GRAMD1B: variants seen among roughly 807,000 people sequenced by gnomAD.
The protein encoded by GRAMD1B is GRAM domain containing 1B.
In GRAMD1B, 37 loss-of-function variants were observed where a neutral mutation model predicts 99.7. The ratio of observed to expected loss-of-function variants is 0.37; its 90% confidence interval spans 0.29 to 0.49. GRAMD1B has a LOEUF of 0.49. Among genes scored for constraint, GRAMD1B ranks in the 20% least tolerant of loss-of-function variants. The pLI, the probability that GRAMD1B is intolerant of heterozygous loss-of-function variation, is 0.98. For missense variants in GRAMD1B, 888 were observed against 1,009.2 expected (o/e 0.88, Z 1.63); for synonymous variants, 427 against 387.6 (o/e 1.10, Z -1.19).
intron 2 of GRAMD1B, among the ~76,000 whole-genome samples, chr11:123,553,871 C>T (rs747348044): frequency 2.6e-5 from 4 of 152,130 alleles, no homozygotes; most frequent in Non-Finnish European, 4.4e-5. Flanking sequence ...TATACCAACT[C>T]GTTTATAATT....
intron 2 of GRAMD1B, among the ~76,000 whole-genome samples, chr11:123,560,069 C>A (rs71478412): frequency 5.4e-5 from 8 of 148,828 alleles, no homozygotes; most frequent in South Asian, 2.1e-4. Flanking sequence ...GAAATAACCC[C>A]CCCCCCCGCA....
At chr11:123,460,029 A>C (rs1950336937) in intron 1 of GRAMD1B, 1 of 152,212 alleles carries the variant, frequency 6.6e-6, no homozygotes, top group Non-Finnish European at 1.5e-5. Flanking sequence ...GAACTTGAAG[A>C]GAGTTAATTG....
chr11:123,469,788 C>T (rs397834171), intron 1 of GRAMD1B, among the ~76,000 whole-genome samples: 1 of 139,098 alleles, frequency 7.2e-6, no homozygotes, highest in African/African-American at 2.7e-5. Flanking sequence ...TCCTTCCTTC[C>T]TTCCTTCCTT....
At chr11:123,433,684 G>A (rs929370425) in intron 1 of GRAMD1B, among the ~76,000 whole-genome samples, 2,139 of 50,330 alleles carry the variant, frequency 0.042, 62 homozygotes, top group African/African-American at 0.15. Context: ...ACGTGCGTGT[G>A]TGTGTGTGTG....
At chr11:123,391,264 C>G (rs1225003652) in intron 1 of GRAMD1B, among the ~76,000 whole-genome samples, 3 of 150,138 alleles carry the variant, frequency 2.0e-5, no homozygotes, top group Admixed American at 2.0e-4. Flanking sequence ...CTTCTTTACC[C>G]CATACCCAGG....
chr11:123,563,521 C>G (rs79353489), intron 2 of GRAMD1B, among the ~76,000 whole-genome samples: 3 of 105,114 alleles, frequency 2.9e-5, no homozygotes, highest in East Asian at 2.9e-4. Context: ...TTTTTTTTTT[C>G]TTTTTTTTGA....
In GRAMD1B at chr11:123,609,707, G is replaced by C. The variant is rs1592263354; in HGVS notation, c.1658-88G>C. 4 of 804,094 alleles carry C rather than the reference G, an allele frequency of 5.0e-6. No individual in the cohort carries two copies. In the East Asian group the frequency reaches 1.1e-4, roughly 22 times the overall value. 49.8% of individuals were successfully genotyped at this position (804,094 alleles called of 1,614,324 possible). ...TGGGGGCCAGGCAGTAGTAAGCACA[G>C]TCCAGAAGGTCACTTGGAGGGGAAA... On this transcript the variant is annotated intron_variant, in intron 12 of 19. Transcript: ENST00000635736.
chr11:123,594,232 G>A, intron 5 of GRAMD1B, 66 bp downstream of exon 5: 1 of 1,141,156 alleles, frequency 8.8e-7, no homozygotes. Context: ...AGCACTCAGG[G>A]TGCTTCTCTC....
chr11:123,513,578 T>TTCCCTTCCTTCCTTCC (rs1555050112), intron 2 of GRAMD1B, among the ~76,000 whole-genome samples: 2 of 41,672 alleles, frequency 4.8e-5, no homozygotes, highest in Admixed American at 2.9e-4. Context: ...CCTTCCTTCC[T>TTCCCTTCCTTCCTTCC]TTCCTTCCTT....
At chr11:123,405,936 T>G (rs1329015870) in intron 1 of GRAMD1B, among the ~76,000 whole-genome samples, 1 of 152,178 alleles carries the variant, frequency 6.6e-6, no homozygotes, top group Non-Finnish European at 1.5e-5. Flanking sequence ...GTGTGCACAC[T>G]TGTTTGCATG....
chr11:123,483,815 TGA>T (rs908647093), intron 2 of GRAMD1B, among the ~76,000 whole-genome samples: 4 of 152,186 alleles, frequency 2.6e-5, no homozygotes, highest in African/African-American at 7.2e-5. Context: ...TCGTTCTGGT[TGA>T]GAGAGTGGAA....
At chr11:123,444,615 G>A (rs1949555675) in intron 1 of GRAMD1B, among the ~76,000 whole-genome samples, 1 of 152,008 alleles carries the variant, frequency 6.6e-6, no homozygotes, top group Admixed American at 6.6e-5. Flanking sequence ...GGTCCCCTTG[G>A]GTCTCCTAAA....
Position 123,594,809 on chromosome 11 carries a change from T to C in GRAMD1B, c.844T>C (p.Tyr282His). The C allele has an allele frequency of 6.2e-7, 1 of 1,601,510 alleles. No homozygotes were observed. Among genetic ancestry groups the C allele is most frequent in the Non-Finnish European group, 8.6e-7 (1 of 1,168,480 alleles). Residue 282 changes from tyrosine to histidine, a missense_variant, in exon 6 of 20, where the codon TAC becomes CAC. By Grantham distance (83) the Tyr-to-His change is moderately conservative. Around this residue, in one of 5 missense-constraint regions of GRAMD1B, gnomAD observed 62 missense variants for 139.4 expected, o/e 0.44. Coordinates refer to ENST00000635736, the MANE Select transcript of GRAMD1B (RefSeq NM_001387025.1). ...LYLSENWICF[Y>H]SNIFRWETLL... ...CCTCTCTGAAAATTGGATCTGCTTC[T>C]ACAGCAACATCTTCCGCTGGGAAAC...
intron 2 of GRAMD1B, among the ~76,000 whole-genome samples, chr11:123,568,840 C>T (rs1221568320): frequency 6.6e-6 from 1 of 152,184 alleles, no homozygotes; most frequent in African/African-American, 2.4e-5. Flanking sequence ...TGATTTTCTC[C>T]CCTAGAAAGG....
intron 7 of GRAMD1B, among the ~76,000 whole-genome samples, chr11:123,597,564 G>A (rs1171773551): frequency 1.3e-5 from 2 of 152,114 alleles, no homozygotes; most frequent in African/African-American, 4.8e-5. Flanking sequence ...TAGCAACAAA[G>A]GAGGGTGGGG....
Position 123,626,483 on chromosome 11 carries a change from G to T in GRAMD1B, c.*3888G>T, listed in dbSNP as rs1212656111. 6.6e-6 allele frequency: 1 copy of T among 152,090 alleles called. No homozygotes were observed. Among genetic ancestry groups the T allele is most frequent in the East Asian group, 1.9e-4 (1 of 5,178 alleles). 9.4% of individuals were successfully genotyped at this position (152,090 alleles called of 1,614,324 possible). Reference sequence around the variant, plus strand: ...TCTGGATGCTTGTGGTCCCAGAAGGGTACTTTCTGTGTCATACCATGCCAC... The same window carrying T: ...TCTGGATGCTTGTGGTCCCAGAAGGTTACTTTCTGTGTCATACCATGCCAC... On this transcript the variant is annotated 3_prime_UTR_variant, in exon 20 of 20. Transcript: ENST00000635736.
chr11:123,375,533 A>G (rs776101719), intron 1 of GRAMD1B, among the ~76,000 whole-genome samples: 8 of 152,220 alleles, frequency 5.3e-5, no homozygotes, highest in South Asian at 2.1e-4. Context: ...TCCATCCCCA[A>G]ATGGCTTTAA....
At chr11:123,535,762 T>C (rs917169019) in intron 2 of GRAMD1B, among the ~76,000 whole-genome samples, 2 of 152,210 alleles carry the variant, frequency 1.3e-5, no homozygotes, top group Non-Finnish European at 2.9e-5. Context: ...CACCGTTCAG[T>C]TAAGCATTAG....
chr11:123,491,119 G>A (rs1591694136), intron 2 of GRAMD1B, among the ~76,000 whole-genome samples: 1 of 152,244 alleles, frequency 6.6e-6, no homozygotes, highest in East Asian at 1.9e-4. Context: ...GATCACCTGA[G>A]GTCGGGAGTT....
Sources: gnomAD v4.1 joint callset for allele counts (sites outside exome capture counted in the v4.1 genomes callset) on GRCh38, gnomAD v4.1.1 for gene constraint, gnomAD v4.1.1 regional missense constraint, MANE v1.5 for transcripts, NCBI Gene and HGNC (gene_info 2026-07-23, HGNC 2026-07-21) for gene names.